GPHN: variants seen among roughly 807,000 people sequenced by gnomAD.
GPHN encodes gephyrin.
GPHN carries 17 observed loss-of-function variants against 95.5 expected under a neutral mutation model. The ratio of observed to expected loss-of-function variants is 0.18; its 90% confidence interval spans 0.12 to 0.27. GPHN has a LOEUF of 0.27. Ranked by LOEUF, GPHN falls within the 10% of genes least tolerant of loss-of-function variation. The pLI is 1.00. For missense variants in GPHN, 660 were observed against 978.1 expected (o/e 0.67, Z 4.34); for synonymous variants, 320 against 322.5 (o/e 0.99, Z 0.08).
At chr14:66,556,607 C>T (rs2060015792) in intron 1 of GPHN, among the ~76,000 whole-genome samples, 1 of 152,080 alleles carries the variant, frequency 6.6e-6, no homozygotes, top group Non-Finnish European at 1.5e-5. Flanking sequence ...TATTTATATT[C>T]ACATCAGTGA....
chr14:67,259,447 C>A, the GPHN span, among the ~76,000 whole-genome samples: 2 of 151,830 alleles, frequency 1.3e-5, no homozygotes, highest in Non-Finnish European at 2.9e-5. Flanking sequence ...CCCGTCTCTA[C>A]TAAAAATATA....
At chr14:67,336,459 C>A in the GPHN span, 1 of 258,966 alleles carries the variant, frequency 3.9e-6, no homozygotes, top group Non-Finnish European at 7.7e-6. Context: ...TTTAACAAGG[C>A]CAATACATTC....
chr14:67,158,648 T>C (rs570101691), intron 18 of GPHN, among the ~76,000 whole-genome samples: 1 of 152,144 alleles, frequency 6.6e-6, no homozygotes, highest in African/African-American at 2.4e-5. Flanking sequence ...TTAAGAGAAA[T>C]GTTAAGGAGT....
chr14:67,179,371 G>C (rs893265092), intron 21 of GPHN, among the ~76,000 whole-genome samples: 2 of 152,156 alleles, frequency 1.3e-5, no homozygotes, highest in Non-Finnish European at 1.5e-5. Flanking sequence ...GGGTAACAGA[G>C]TGAGACCTTG....
the GPHN span, chr14:67,360,142 C>G: frequency 2.4e-6 from 1 of 414,974 alleles, no homozygotes. Flanking sequence ...GGCAAGGAAT[C>G]GGAGTCCTAT....
intron 2 of GPHN, among the ~76,000 whole-genome samples, chr14:66,685,382 TC>T (rs199892052): frequency 0.033 from 5,089 of 152,314 alleles, 128 homozygotes; most frequent in Non-Finnish European, 0.054. Context: ...GTAAAAGTGT[TC>T]CTATTTCTCC....
chr14:67,505,668 G>T, the GPHN span, among the ~76,000 whole-genome samples: 1 of 152,048 alleles, frequency 6.6e-6, no homozygotes, highest in African/African-American at 2.4e-5. Flanking sequence ...GATTTCAGGG[G>T]CTGAGGAAGG....
chr14:66,709,810 C>G (rs2069443167), intron 2 of GPHN, among the ~76,000 whole-genome samples: 1 of 151,908 alleles, frequency 6.6e-6, no homozygotes, highest in African/African-American at 2.4e-5. Context: ...AAGGACAAAG[C>G]ACTCCAAAGG....
At chr14:67,102,679 A>G (rs1312886368) in intron 13 of GPHN, among the ~76,000 whole-genome samples, 1 of 152,180 alleles carries the variant, frequency 6.6e-6, no homozygotes, top group African/African-American at 2.4e-5. Flanking sequence ...AAAAATAAAA[A>G]TAAATAAAAG....
the GPHN span, chr14:67,360,445 C>T: frequency 2.1e-5 from 8 of 385,084 alleles, no homozygotes; most frequent in Non-Finnish European, 3.7e-5. Flanking sequence ...GGGAATCACA[C>T]ACATACCTCA....
Position 66,650,946 on chromosome 14 carries a change from C to T in GPHN, c.65-30161C>T, listed in dbSNP as rs554886264. ...GGCTAGCCAAAAAATGTCACCTGAA[C>T]TTAACAGCATTTTACAGGATGTGAT... On this transcript the variant is annotated intron_variant, in intron 1 of 22. Transcript: ENST00000478722. Among the ~76,000 whole-genome samples the T allele has an allele frequency of 2.0e-5, 3 of 152,290 alleles. No individual in the cohort carries two copies. The East Asian group carries it at 5.8e-4, about 29-fold the overall frequency.
chr14:67,729,099 T>C, the GPHN span: 1 of 1,312,778 alleles, frequency 7.6e-7, no homozygotes, highest in Non-Finnish European at 1.1e-6. Flanking sequence ...CCTGAGTCCC[T>C]CCTTCTCACT....
intron 5 of GPHN, among the ~76,000 whole-genome samples, chr14:66,907,073 T>C (rs1365414925): frequency 1.3e-5 from 2 of 152,184 alleles, no homozygotes; most frequent in Admixed American, 6.5e-5. Context: ...AGAGAACTTC[T>C]AGATATTTAA....
At chr14:66,851,346 C>A (rs1567019512) in intron 4 of GPHN, among the ~76,000 whole-genome samples, 1 of 147,766 alleles carries the variant, frequency 6.8e-6, no homozygotes. Context: ...CTACAGATTA[C>A]TTTTTTTTTT....
chr14:67,125,358 G>C (rs1472023827), intron 17 of GPHN, among the ~76,000 whole-genome samples: 1 of 152,108 alleles, frequency 6.6e-6, no homozygotes, highest in East Asian at 1.9e-4. Flanking sequence ...ATCCTATTCA[G>C]CCATTTGCTA....
At chr14:67,604,138 G>A in the GPHN span, among the ~76,000 whole-genome samples, 4 of 152,100 alleles carry the variant, frequency 2.6e-5, no homozygotes, top group African/African-American at 9.7e-5. Flanking sequence ...GATTACAGGC[G>A]CAAAGGTTTT....
At chr14:66,843,195 C>T (rs1048146462) in intron 4 of GPHN, among the ~76,000 whole-genome samples, 1 of 152,138 alleles carries the variant, frequency 6.6e-6, no homozygotes, top group Non-Finnish European at 1.5e-5. Context: ...ATTCTTCACT[C>T]ACTGGTGCTT....
chr14:66,809,563 A>G (rs889794490), intron 3 of GPHN, among the ~76,000 whole-genome samples: 2 of 152,184 alleles, frequency 1.3e-5, no homozygotes, highest in Admixed American at 1.3e-4. Flanking sequence ...GAGTTAAGGA[A>G]TTCAAAAGAA....
the GPHN span, among the ~76,000 whole-genome samples, chr14:67,475,458 A>T: frequency 6.6e-6 from 1 of 152,122 alleles, no homozygotes; most frequent in African/African-American, 2.4e-5. Flanking sequence ...TTTCTGAGGA[A>T]CCACTGTGCT....
Sources: allele counts gnomAD v4.1 joint callset (sites outside exome capture counted in the v4.1 genomes callset), GRCh38; gene constraint gnomAD v4.1.1; transcripts MANE v1.5; gene names NCBI Gene and HGNC (gene_info 2026-07-23, HGNC 2026-07-21).